The following GALNTL6 variants were observed in gnomAD, a reference collection of about 807,000 sequenced individuals.
The protein encoded by GALNTL6 is polypeptide N-acetylgalactosaminyltransferase like 6.
GALNTL6 carries 46 observed loss-of-function variants against 73.7 expected under a neutral mutation model. That is an observed-to-expected ratio of 0.62 (90% CI 0.49 to 0.80). The LOEUF is 0.80. Among genes scored for constraint, GALNTL6 ranks in the 30% least tolerant of loss-of-function variants. GALNTL6 has a pLI of 0.00. For synonymous variants in GALNTL6, 259 were observed against 263.7 expected (o/e 0.98, Z 0.17); for missense variants, 604 against 755.0 (o/e 0.80, Z 2.34).
intron 2 of GALNTL6, among the ~76,000 whole-genome samples, chr4:171,851,976 AT>A (rs768488148): frequency 5.5e-4 from 83 of 152,218 alleles, no homozygotes; most frequent in Non-Finnish European, 3.5e-4. Flanking sequence ...ACTCAAAAGT[AT>A]TTGCTTTGTT....
chr4:172,384,555 G>T (rs1331120570), intron 5 of GALNTL6, among the ~76,000 whole-genome samples: 1 of 150,408 alleles, frequency 6.6e-6, no homozygotes, highest in African/African-American at 2.4e-5. Context: ...GGTTTTGTTA[G>T]TTTTCTTTAT....
chr4:172,358,419 T>C (rs906312921), intron 5 of GALNTL6, among the ~76,000 whole-genome samples: 1 of 152,264 alleles, frequency 6.6e-6, no homozygotes, highest in African/African-American at 2.4e-5. Flanking sequence ...GTCCAACCCA[T>C]GGCCTGCAGG....
At chr4:172,055,565 C>A (rs2110868196) in intron 2 of GALNTL6, among the ~76,000 whole-genome samples, 1 of 152,052 alleles carries the variant, frequency 6.6e-6, no homozygotes, top group Non-Finnish European at 1.5e-5. Flanking sequence ...TTTTCCCACC[C>A]TTTTCCCAAA....
intron 4 of GALNTL6, among the ~76,000 whole-genome samples, chr4:172,339,701 A>G (rs1229016920): frequency 1.3e-5 from 2 of 152,210 alleles, no homozygotes; most frequent in African/African-American, 2.4e-5. Context: ...AGCTGGGAGA[A>G]ACAAAGGGCT....
intron 4 of GALNTL6, among the ~76,000 whole-genome samples, chr4:172,328,959 G>A (rs1741032183): frequency 6.6e-6 from 1 of 152,148 alleles, no homozygotes; most frequent in Non-Finnish European, 1.5e-5. Flanking sequence ...CCAGGGTTTT[G>A]GGTTGGTTCT....
chr4:172,085,758 T>C (rs1732013822), intron 2 of GALNTL6, among the ~76,000 whole-genome samples: 2 of 151,938 alleles, frequency 1.3e-5, no homozygotes, highest in Admixed American at 6.6e-5. Context: ...GTTCTAAATA[T>C]AAAAATAATA....
intron 9 of GALNTL6, among the ~76,000 whole-genome samples, chr4:172,951,394 C>G (rs193046575): frequency 2.9e-4 from 44 of 152,372 alleles, no homozygotes; most frequent in Middle Eastern, 3.4e-3. Flanking sequence ...TATTCCCCAC[C>G]ACCAACCTTC....
At chr4:172,335,885 A>G (rs1321452579) in intron 4 of GALNTL6, among the ~76,000 whole-genome samples, 1 of 152,148 alleles carries the variant, frequency 6.6e-6, no homozygotes, top group Admixed American at 6.5e-5. Context: ...ATCCTTTCAA[A>G]TAATCAACTT....
At chr4:171,948,106 A>T (rs1738756036) in intron 2 of GALNTL6, among the ~76,000 whole-genome samples, 1 of 152,266 alleles carries the variant, frequency 6.6e-6, no homozygotes, top group African/African-American at 2.4e-5. Context: ...AAGACATAAC[A>T]TTTTGTTCTG....
At chr4:172,298,767 G>A (rs1739785687) in intron 3 of GALNTL6, among the ~76,000 whole-genome samples, 1 of 152,118 alleles carries the variant, frequency 6.6e-6, no homozygotes, top group South Asian at 2.1e-4. Context: ...AATTCGGTTT[G>A]CCACTATTTT....
intron 5 of GALNTL6, among the ~76,000 whole-genome samples, chr4:172,565,035 T>C (rs957524346): frequency 6.6e-6 from 1 of 152,230 alleles, no homozygotes; most frequent in African/African-American, 2.4e-5. Context: ...AGATTCAGTG[T>C]CTGGAGAGGG....
At chr4:172,720,192 C>G (rs28393145) in intron 5 of GALNTL6, among the ~76,000 whole-genome samples, 7,081 of 152,182 alleles carry the variant, frequency 0.047, 306 homozygotes, top group African/African-American at 0.11. Flanking sequence ...TTCCTTAGTT[C>G]AGCTAATGAC....
intron 3 of GALNTL6, among the ~76,000 whole-genome samples, chr4:172,270,171 CTGTGTGTGTG>C (rs758294136): frequency 6.7e-6 from 1 of 150,264 alleles, no homozygotes; most frequent in Admixed American, 6.6e-5. Context: ...TCTCTGTCCA[CTGTGTGTGTG>C]TGTGTGTATG....
intron 2 of GALNTL6, among the ~76,000 whole-genome samples, chr4:171,818,384 G>A (rs1211846399): frequency 6.6e-6 from 1 of 151,604 alleles, no homozygotes; most frequent in Non-Finnish European, 1.5e-5. Flanking sequence ...AAAAGTAACT[G>A]TAATAGTAGT....
At chr4:171,816,727 C>T (rs1734535776) in intron 2 of GALNTL6, among the ~76,000 whole-genome samples, 1 of 151,856 alleles carries the variant, frequency 6.6e-6, no homozygotes, top group African/African-American at 2.4e-5. Flanking sequence ...TAATTGATTA[C>T]TTAATGAAAA....
At chr4:172,961,079 C>T (rs1193883944) in intron 10 of GALNTL6, among the ~76,000 whole-genome samples, 1 of 52,698 alleles carries the variant, frequency 1.9e-5, no homozygotes, top group Non-Finnish European at 3.7e-5. Flanking sequence ...GCTTGCCCTC[C>T]AGGAAAGTGG....
intron 5 of GALNTL6, among the ~76,000 whole-genome samples, chr4:172,683,466 T>A (rs1732744494): frequency 6.6e-6 from 1 of 152,236 alleles, no homozygotes; most frequent in South Asian, 2.1e-4. Context: ...CCACAGTGGT[T>A]ACAATAATTC....
intron 2 of GALNTL6, among the ~76,000 whole-genome samples, chr4:171,954,316 CA>C (rs1376521726): frequency 6.6e-6 from 1 of 151,918 alleles, no homozygotes; most frequent in African/African-American, 2.4e-5. Flanking sequence ...ATAGAAGTTT[CA>C]AAAAAACATT....
chr4:172,387,529 C>T (rs568921326), intron 5 of GALNTL6, among the ~76,000 whole-genome samples: 7 of 150,238 alleles, frequency 4.7e-5, no homozygotes, highest in Non-Finnish European at 1.1e-4. Context: ...ATACCTTATA[C>T]CCAATGAGTC....
Sources: gnomAD v4.1 joint callset for allele counts (sites outside exome capture counted in the v4.1 genomes callset) on GRCh38, gnomAD v4.1.1 for gene constraint, MANE v1.5 for transcripts, NCBI Gene and HGNC (gene_info 2026-07-23, HGNC 2026-07-21) for gene names.